Variants in TRMT9B observed in about 807,000 individuals in gnomAD.
The protein encoded by TRMT9B is probable tRNA methyltransferase 9B.
A neutral mutation model predicts 11.5 loss-of-function variants in TRMT9B; 16 were observed. That is an observed-to-expected ratio of 1.39 (90% CI 0.94 to 2.11). The LOEUF (loss-of-function observed/expected upper bound fraction) is 2.11, where lower values mean the gene tolerates loss of function less well. Ranked by LOEUF, TRMT9B falls within the 30% of genes most tolerant of loss-of-function variation. TRMT9B has a pLI of 0.00. For missense variants in TRMT9B, 941 were observed against 553.8 expected (o/e 1.70, Z -7.02); for synonymous variants, 274 against 192.4 (o/e 1.42, Z -3.51).
intron 2 of TRMT9B, 33 bp from the exon 3 acceptor site, chr8:13,006,169 C>A: frequency 6.2e-7 from 1 of 1,608,700 alleles, no homozygotes; most frequent in Non-Finnish European, 8.5e-7. Flanking sequence ...ATAGGCTGAC[C>A]TGCATGCCTT....
At chr8:12,961,986 A>G (rs1044086171) in intron 1 of TRMT9B, 1 of 152,252 alleles carries the variant, frequency 6.6e-6, no homozygotes, top group African/African-American at 2.4e-5. Context: ...ATCAGAGACC[A>G]CAGAATCCAT....
chr8:12,975,485 C>T (rs1804302438), intron 1 of TRMT9B, among the ~76,000 whole-genome samples: 1 of 151,912 alleles, frequency 6.6e-6, no homozygotes, highest in South Asian at 2.1e-4. Context: ...GCCTGTAATC[C>T]CAGCACTTTG....
At chr8:12,983,334 T>A (rs1805722923) in intron 1 of TRMT9B, among the ~76,000 whole-genome samples, 2 of 148,722 alleles carry the variant, frequency 1.3e-5, no homozygotes, top group African/African-American at 2.5e-5. Context: ...AAAAAAAAAA[T>A]TCTTAATGAG....
rs759162199 is a variant in TRMT9B at position 13,021,428 on chromosome 8, G to C, written c.749G>C (p.Trp250Ser). 2.5e-6 allele frequency: 4 copies of C among 1,613,998 alleles called. No individual in the cohort carries two copies. The highest frequency in any genetic ancestry group is 3.4e-6 in the Non-Finnish European group (4 of 1,179,894). The change falls in exon 5 of 5, where the codon TGG becomes TCG. Residue 250 changes from tryptophan to serine, a missense_variant. Trp to Ser is a radical substitution (Grantham distance 177). Transcript: ENST00000524591. ...ACATTAGGAAAATCGTTTCGTTCCT[G>C]GTTTTTCTCCAGATCTTTGGATGAA... ...YSTLGKSFRS[W>S]FFSRSLDEST...
chr8:12,999,836 A>C (rs953540832), intron 2 of TRMT9B, among the ~76,000 whole-genome samples: 2 of 152,216 alleles, frequency 1.3e-5, no homozygotes, highest in African/African-American at 4.8e-5. Flanking sequence ...CTAGGCTCAC[A>C]ATATTAAGTT....
At chr8:13,011,220 A>T in intron 3 of TRMT9B, 1 of 765,444 alleles carries the variant, frequency 1.3e-6, no homozygotes, top group Non-Finnish European at 1.6e-6. Context: ...TCCTGCCCTC[A>T]AGTGATCCGC....
intron 1 of TRMT9B, among the ~76,000 whole-genome samples, chr8:12,953,804 T>A (rs1800951183): frequency 6.6e-6 from 1 of 152,142 alleles, no homozygotes; most frequent in Admixed American, 6.5e-5. Flanking sequence ...TGGTCATTGG[T>A]TACCTATAAC....
intron 1 of TRMT9B, among the ~76,000 whole-genome samples, chr8:12,980,075 T>A: frequency 6.6e-6 from 1 of 152,148 alleles, no homozygotes; most frequent in East Asian, 1.9e-4. Flanking sequence ...CTATATTTGT[T>A]TCCCGGGGCT....
At chr8:13,017,598 AGT>A (rs1468943209) in intron 4 of TRMT9B, among the ~76,000 whole-genome samples, 1 of 146,462 alleles carries the variant, frequency 6.8e-6, no homozygotes, top group Non-Finnish European at 1.5e-5. Context: ...TATGTAATGA[AGT>A]AATCATTTGT....
intron 4 of TRMT9B, among the ~76,000 whole-genome samples, chr8:13,016,456 T>C (rs1812726110): frequency 6.7e-6 from 1 of 149,998 alleles, no homozygotes; most frequent in Admixed American, 6.7e-5. Context: ...GTCTCTCTTA[T>C]GTCCCTATAT....
At chr8:12,986,413 C>A (rs1806316174) in intron 1 of TRMT9B, among the ~76,000 whole-genome samples, 1 of 152,164 alleles carries the variant, frequency 6.6e-6, no homozygotes, top group South Asian at 2.1e-4. Flanking sequence ...GACATATTGT[C>A]CCTGTCTAGA....
chr8:12,994,590 G>C (rs898882895), intron 2 of TRMT9B, among the ~76,000 whole-genome samples: 10 of 152,188 alleles, frequency 6.6e-5, no homozygotes, highest in Admixed American at 2.0e-4. Context: ...CAGGCTAAGA[G>C]GACCTTAAAA....
intron 1 of TRMT9B, among the ~76,000 whole-genome samples, chr8:12,983,037 G>T (rs1010080149): frequency 1.1e-4 from 17 of 152,216 alleles, no homozygotes; most frequent in Non-Finnish European, 5.9e-5. Context: ...CAAGAGCTGC[G>T]TGCATTACTC....
rs140443736 is a variant in TRMT9B at position 13,008,687 on chromosome 8, C to G, written c.154+2331C>G. Among the ~76,000 whole-genome samples the G allele has an allele frequency of 5.4e-4, 82 of 152,266 alleles. No homozygotes were observed. In the East Asian group the frequency reaches 0.013, roughly 24 times the overall value. ...TTCAAGTCAAAAGACCAAAATCAAACTAAGTAAAAATATCTGCAACACATG... is the reference window on the plus strand; with the variant it reads ...TTCAAGTCAAAAGACCAAAATCAAAGTAAGTAAAAATATCTGCAACACATG... On this transcript the variant is annotated intron_variant, in intron 3 of 4. Coordinates refer to ENST00000524591, the MANE Select transcript of TRMT9B (RefSeq NM_020844.3).
chr8:12,990,628 T>C (rs1205064062), intron 1 of TRMT9B, among the ~76,000 whole-genome samples: 2 of 152,180 alleles, frequency 1.3e-5, no homozygotes, highest in African/African-American at 4.8e-5. Context: ...TATTGTATGT[T>C]TTATAGAAAG....
chr8:13,016,450 C>G (rs1812724500), intron 4 of TRMT9B, among the ~76,000 whole-genome samples: 1 of 149,470 alleles, frequency 6.7e-6, no homozygotes, highest in Non-Finnish European at 1.5e-5. Context: ...TAGACTGTCT[C>G]TCTTATGTCC....
At position 12,986,932 on chromosome 8, in the gene TRMT9B, C is replaced by A. The variant is rs10101284; in HGVS notation, c.-199-3902C>A. Among the ~76,000 whole-genome samples the A allele has an allele frequency of 2.0e-5, 3 of 152,338 alleles. No homozygotes were observed. In the South Asian group the frequency reaches 6.2e-4, roughly 32 times the overall value. On this transcript the variant is annotated intron_variant, in intron 1 of 4. Coordinates refer to ENST00000524591, the MANE Select transcript of TRMT9B (RefSeq NM_020844.3). ...ATCCATGAAGTGCCAGTCTACACTACTGCCAGAGGCAATTTCTAAAACCGA... is the reference window on the plus strand; with the variant it reads ...ATCCATGAAGTGCCAGTCTACACTAATGCCAGAGGCAATTTCTAAAACCGA...
chr8:12,983,773 A>G (rs993255668), intron 1 of TRMT9B, among the ~76,000 whole-genome samples: 5 of 152,166 alleles, frequency 3.3e-5, no homozygotes, highest in African/African-American at 1.2e-4. Context: ...TCTTGCCTCA[A>G]AAAATAAAAT....
intron 2 of TRMT9B, among the ~76,000 whole-genome samples, chr8:12,993,181 T>C (rs1807684545): frequency 1.3e-5 from 2 of 151,188 alleles, no homozygotes; most frequent in Non-Finnish European, 1.5e-5. Context: ...TCAGGGAGGG[T>C]TTTCGTGACA....
Sources: gnomAD v4.1 joint callset for allele counts (sites outside exome capture counted in the v4.1 genomes callset) on GRCh38, gnomAD v4.1.1 for gene constraint, MANE v1.5 for transcripts, NCBI Gene and HGNC (gene_info 2026-07-23, HGNC 2026-07-21) for gene names.